DENND1A: variants seen among roughly 807,000 people sequenced by gnomAD.
The protein encoded by DENND1A is DENN domain-containing protein 1A.
A neutral mutation model predicts 113.7 loss-of-function variants in DENND1A; 51 were observed. That is an observed-to-expected ratio of 0.45 (90% CI 0.36 to 0.57). The LOEUF (loss-of-function observed/expected upper bound fraction) is 0.57, where lower values mean the gene tolerates loss of function less well. Among genes scored for constraint, DENND1A ranks in the 20% least tolerant of loss-of-function variants. The pLI is 0.00. For synonymous variants in DENND1A, 565 were observed against 570.8 expected, an observed-to-expected ratio of 0.99 and a Z score of 0.14; for missense variants, 1,258 against 1,395.9, an observed-to-expected ratio of 0.90 and a Z score of 1.57.
At chr9:123,460,932 T>C (rs149433691) in intron 13 of DENND1A, among the ~76,000 whole-genome samples, 174 of 152,368 alleles carry the variant, frequency 1.1e-3, no homozygotes, top group African/African-American at 4.1e-3. Context: ...TTGTTCAACA[T>C]TGTGCACCTG....
intron 19 of DENND1A, among the ~76,000 whole-genome samples, chr9:123,435,233 C>T (rs549797827): frequency 1.3e-5 from 2 of 152,308 alleles, no homozygotes; most frequent in South Asian, 4.1e-4. Flanking sequence ...CAAGAGGACT[C>T]TCTCAGGGCA....
intron 1 of DENND1A, among the ~76,000 whole-genome samples, chr9:123,904,957 G>T (rs934975975): frequency 1.3e-5 from 2 of 152,200 alleles, no homozygotes; most frequent in Admixed American, 6.5e-5. Context: ...CAGCCAGAGA[G>T]AAAGGTCGGG....
chr9:123,426,740 A>G (rs2045762342), intron 19 of DENND1A, among the ~76,000 whole-genome samples: 1 of 152,332 alleles, frequency 6.6e-6, no homozygotes, highest in Admixed American at 6.5e-5. Flanking sequence ...CTTGCACCAA[A>G]GAAATTATTT....
At chr9:123,481,690 A>G (rs1288143286) in intron 13 of DENND1A, among the ~76,000 whole-genome samples, 5 of 152,178 alleles carry the variant, frequency 3.3e-5, no homozygotes, top group Non-Finnish European at 7.4e-5. Context: ...TGGAGGGGGA[A>G]CACTTGAGCT....
chr9:123,631,565 C>T (rs1482046129), intron 9 of DENND1A, among the ~76,000 whole-genome samples: 1 of 152,210 alleles, frequency 6.6e-6, no homozygotes, highest in African/African-American at 2.4e-5. Flanking sequence ...ATGGTTTCTA[C>T]TGCTTTTATC....
At position 123,524,494 on chromosome 9, in the gene DENND1A, A is replaced by C. The variant is rs193213746; in HGVS notation, c.993+33076T>G. Among the ~76,000 whole-genome samples the C allele has an allele frequency of 3.3e-3, 509 of 152,330 alleles. 2 individuals carry two copies. The highest frequency in any genetic ancestry group is 6.4e-3 in the Admixed American group (98 of 15,306). ...GTAAGACAACAGTGAGTGGTGGCCA[A>C]CACAGATGAGCCATGCCCTGTCTCC... On this transcript the variant is annotated intron_variant, in intron 13 of 23. Transcript: ENST00000394215.
chr9:123,789,102 T>C (rs1478945510), intron 3 of DENND1A, among the ~76,000 whole-genome samples: 1 of 151,554 alleles, frequency 6.6e-6, no homozygotes, highest in Non-Finnish European at 1.5e-5. Context: ...AGGCAACGCA[T>C]GACTTTCAGG....
intron 18 of DENND1A, among the ~76,000 whole-genome samples, chr9:123,445,146 TAAGTCTCTGGACATG>T (rs1319984276): frequency 6.6e-6 from 1 of 152,148 alleles, no homozygotes; most frequent in Non-Finnish European, 1.5e-5. Flanking sequence ...CGGCATACGG[TAAGTCTCTGGACATG>T]AGTCTCCATG....
chr9:123,734,339 T>A (rs1305357595), intron 5 of DENND1A, among the ~76,000 whole-genome samples: 2 of 152,222 alleles, frequency 1.3e-5, no homozygotes, highest in African/African-American at 2.4e-5. Context: ...CTCATTTACA[T>A]AATAATTTAA....
intron 2 of DENND1A, among the ~76,000 whole-genome samples, chr9:123,868,141 A>C (rs114277938): frequency 6.6e-6 from 1 of 152,336 alleles, no homozygotes; most frequent in African/African-American, 2.4e-5. Flanking sequence ...CTTCCAGTGA[A>C]AAGGATCCTG....
Position 123,757,790 on chromosome 9 carries a change from G to A in DENND1A, c.215C>T (p.Thr72Ile). Residue 72 changes from threonine (T) to isoleucine (I), a missense_variant, in exon 5 of 24, where the codon ACA (threonine) becomes ATA (isoleucine). By Grantham distance (89) the Thr-to-Ile change is moderately conservative. Transcript: ENST00000394215. ...LTVSQVGQNF[T>I]FVLTDIDSKQ... ...GCTGTCAATGTCAGTGAGCACGAAT[G>A]TGAAGTTCTGGCCAACTTGGCTAAC... is the stretch of plus-strand genomic sequence containing the variant. The A allele has an allele frequency of 6.2e-7, 1 of 1,614,006 alleles. No individual in the cohort carries two copies. Among genetic ancestry groups the A allele is most frequent in the Non-Finnish European group, 8.5e-7 (1 of 1,179,986 alleles).
intron 5 of DENND1A, among the ~76,000 whole-genome samples, chr9:123,745,797 C>T (rs1433174276): frequency 6.6e-6 from 1 of 152,034 alleles, no homozygotes; most frequent in Non-Finnish European, 1.5e-5. Context: ...CATAAGATTG[C>T]TATAAAAATA....
intron 3 of DENND1A, among the ~76,000 whole-genome samples, chr9:123,773,137 G>T (rs546858145): frequency 2.0e-5 from 3 of 152,130 alleles, no homozygotes; most frequent in Admixed American, 1.3e-4. Flanking sequence ...GAGCAGAGGG[G>T]GCAGGGAGGA....
At chr9:123,878,903 C>T in intron 2 of DENND1A, 48 bp downstream of exon 2, 2 of 1,587,798 alleles carry the variant, frequency 1.3e-6, no homozygotes, top group Non-Finnish European at 1.7e-6. Context: ...GCATAGCTAT[C>T]TCAAACAATA....
chr9:123,742,221 G>C lies in DENND1A; in HGVS notation c.302+15482C>G, dbSNP rs888734667. Among the ~76,000 whole-genome samples, 6 of 148,058 alleles carry C rather than the reference G, an allele frequency of 4.1e-5. No homozygotes were observed. The Admixed American group carries it at 4.1e-4, about 10-fold the overall frequency. ...GCCTGCTGGTTAAGGGGCGTCCTCTGTTTCCAAAGCATGGGAAAAAAAAAA... is the reference window on the plus strand; with the variant it reads ...GCCTGCTGGTTAAGGGGCGTCCTCTCTTTCCAAAGCATGGGAAAAAAAAAA... On this transcript the variant is annotated intron_variant, in intron 5 of 23. Coordinates refer to ENST00000394215, the MANE Select transcript of DENND1A (RefSeq NM_001352964.2).
chr9:123,858,713 A>G (rs1844641798), intron 2 of DENND1A, among the ~76,000 whole-genome samples: 1 of 152,226 alleles, frequency 6.6e-6, no homozygotes, highest in South Asian at 2.1e-4. Context: ...GGCCAAAGAC[A>G]CAAGCTGAGA....
chr9:123,890,113 G>C (rs1364710116), intron 1 of DENND1A, among the ~76,000 whole-genome samples: 1 of 152,192 alleles, frequency 6.6e-6, no homozygotes, highest in Non-Finnish European at 1.5e-5. Flanking sequence ...TCAAAACCGT[G>C]TCAGGTAATA....
intron 13 of DENND1A, among the ~76,000 whole-genome samples, chr9:123,494,955 A>T (rs1304665880): frequency 1.3e-5 from 2 of 151,822 alleles, no homozygotes; most frequent in Admixed American, 6.6e-5. Context: ...CCACGCCAGG[A>T]TAATTTTTGT....
chr9:123,485,331 A>T (rs1225010818), intron 13 of DENND1A, among the ~76,000 whole-genome samples: 4 of 152,214 alleles, frequency 2.6e-5, no homozygotes, highest in African/African-American at 9.6e-5. Context: ...AGGCTTCAGC[A>T]ATCTACCTGG....
Sources: allele counts gnomAD v4.1 joint callset (sites outside exome capture counted in the v4.1 genomes callset), GRCh38; gene constraint gnomAD v4.1.1; transcripts MANE v1.5; gene names NCBI Gene and HGNC (gene_info 2026-07-23, HGNC 2026-07-21).